PCDH15: variants seen among roughly 807,000 people sequenced by gnomAD.
PCDH15 encodes the protein protocadherin-15.
A neutral mutation model predicts 178.5 loss-of-function variants in PCDH15; 129 were observed. That is an observed-to-expected ratio of 0.72 (90% CI 0.63 to 0.84). PCDH15 has a LOEUF of 0.84. PCDH15 is among the 40% of genes least tolerant of loss of function. PCDH15 has a pLI of 0.00. For synonymous variants in PCDH15, 800 were observed against 732.0 expected (o/e 1.09, Z -1.50); for missense variants, 2,230 against 2,099.9 (o/e 1.06, Z -1.21).
At chr10:54,817,451 T>A (rs1374234288) in intron 3 of PCDH15, among the ~76,000 whole-genome samples, 1 of 152,004 alleles carries the variant, frequency 6.6e-6, no homozygotes, top group East Asian at 1.9e-4. Flanking sequence ...CTTACTCATC[T>A]CTATCAATTG....
intron 2 of PCDH15, among the ~76,000 whole-genome samples, chr10:55,431,521 T>A (rs2132057049): frequency 6.6e-6 from 1 of 152,294 alleles, no homozygotes; most frequent in Middle Eastern, 3.4e-3. Context: ...AAACTTTAGC[T>A]AATTGGATAT....
At chr10:55,053,150 C>G (rs1255356974) in intron 2 of PCDH15, among the ~76,000 whole-genome samples, 1 of 152,098 alleles carries the variant, frequency 6.6e-6, no homozygotes, top group Non-Finnish European at 1.5e-5. Flanking sequence ...CTATAACCTA[C>G]AAGATTAAAA....
intron 20 of PCDH15, among the ~76,000 whole-genome samples, chr10:53,996,212 G>A (rs1326777689): frequency 7.0e-6 from 1 of 142,422 alleles, no homozygotes; most frequent in East Asian, 2.0e-4. Context: ...GCATAATACT[G>A]ACTAGAACAT....
intron 3 of PCDH15, among the ~76,000 whole-genome samples, chr10:54,521,093 A>C: frequency 6.7e-6 from 1 of 150,236 alleles, no homozygotes; most frequent in Non-Finnish European, 1.5e-5. Flanking sequence ...GGATAGTATT[A>C]GGAGATATAC....
At chr10:54,067,100 T>C (rs1199413685) in intron 17 of PCDH15, among the ~76,000 whole-genome samples, 1 of 152,068 alleles carries the variant, frequency 6.6e-6, no homozygotes, top group Non-Finnish European at 1.5e-5. Flanking sequence ...GAAAAGCAAA[T>C]GATGATATTA....
At chr10:54,695,051 G>T (rs544486814) in intron 1 of PCDH15, among the ~76,000 whole-genome samples, 3 of 151,060 alleles carry the variant, frequency 2.0e-5, no homozygotes, top group Admixed American at 1.3e-4. Context: ...ACACACCAGG[G>T]CCTGTTGTGG....
In PCDH15 at chr10:55,047,347, A is replaced by G. The variant is rs1841034718; in HGVS notation, c.-80+119229T>C. Among the ~76,000 whole-genome samples, 3 of 151,904 alleles carry G rather than the reference A, an allele frequency of 2.0e-5. No individual in the cohort carries two copies. The South Asian group carries it at 6.2e-4, about 31-fold the overall frequency. ...AAGTAGAACAAAACATATCCATTAC[A>G]TTGATTATTACTAATAAAATTATGT... On this transcript the variant is annotated intron_variant, in intron 2 of 5. Coordinates refer to the PCDH15 transcript ENST00000458638.
At chr10:54,041,114 A>G (rs532077527) in intron 18 of PCDH15, among the ~76,000 whole-genome samples, 1 of 152,258 alleles carries the variant, frequency 6.6e-6, no homozygotes, top group South Asian at 2.1e-4. Context: ...TGGATGTTGA[A>G]TGCAGATGCC....
At chr10:54,029,206 C>A (rs1482401333) in intron 18 of PCDH15, among the ~76,000 whole-genome samples, 1 of 151,972 alleles carries the variant, frequency 6.6e-6, no homozygotes, top group East Asian at 1.9e-4. Flanking sequence ...ACATAGAATC[C>A]CTTATTATCA....
chr10:55,602,393 A>C (rs962681801), intron 2 of PCDH15, among the ~76,000 whole-genome samples: 2 of 152,178 alleles, frequency 1.3e-5, no homozygotes, highest in African/African-American at 4.8e-5. Flanking sequence ...ACCACAGCTC[A>C]AGGAGGCCTG....
chr10:55,305,436 G>A (rs927212149), intron 1 of PCDH15, among the ~76,000 whole-genome samples: 1 of 152,204 alleles, frequency 6.6e-6, no homozygotes, highest in South Asian at 2.1e-4. Context: ...GAGGCAGAGT[G>A]GCATTGTCCT....
At chr10:54,178,240 A>C (rs1266662774) in intron 13 of PCDH15, among the ~76,000 whole-genome samples, 1 of 152,172 alleles carries the variant, frequency 6.6e-6, no homozygotes, top group Non-Finnish European at 1.5e-5. Flanking sequence ...ATATGATTTT[A>C]GTGGTGTGAT....
intron 8 of PCDH15, among the ~76,000 whole-genome samples, chr10:54,242,371 G>C (rs1198266793): frequency 5.3e-5 from 8 of 151,030 alleles, no homozygotes; most frequent in Non-Finnish European, 8.9e-5. Context: ...TTCAGAGATT[G>C]GATACATTCA....
intron 1 of PCDH15, among the ~76,000 whole-genome samples, chr10:55,280,232 A>G (rs187115357): frequency 1.3e-5 from 2 of 151,518 alleles, no homozygotes; most frequent in East Asian, 3.9e-4. Flanking sequence ...GACAAAGACA[A>G]AAGCTGTGCT....
chr10:54,346,226 T>G, intron 6 of PCDH15, 139 bp downstream of exon 6: 1 of 827,546 alleles, frequency 1.2e-6, no homozygotes. Context: ...AATAATTCAA[T>G]TTTGAGACAT....
chr10:54,337,124 A>G (rs1386490170), intron 6 of PCDH15, among the ~76,000 whole-genome samples: 2 of 151,884 alleles, frequency 1.3e-5, no homozygotes, highest in East Asian at 1.9e-4. Flanking sequence ...ATATATATAT[A>G]TTCATACCCA....
At chr10:54,522,068 A>G (rs1313103865) in intron 3 of PCDH15, among the ~76,000 whole-genome samples, 1 of 140,816 alleles carries the variant, frequency 7.1e-6, no homozygotes, top group East Asian at 2.2e-4. Flanking sequence ...AGCCTGAGTG[A>G]CAGAGTGAGA....
At chr10:54,270,719 A>T (rs1195694534) in intron 8 of PCDH15, among the ~76,000 whole-genome samples, 1 of 152,122 alleles carries the variant, frequency 6.6e-6, no homozygotes, top group East Asian at 1.9e-4. Context: ...AATATAAAGG[A>T]TCTAGATTTT....
intron 2 of PCDH15, among the ~76,000 whole-genome samples, chr10:55,580,039 T>C (rs1842577259): frequency 6.6e-6 from 1 of 152,048 alleles, no homozygotes; most frequent in African/African-American, 2.4e-5. Flanking sequence ...GTATTTTTAG[T>C]AGAGACAGGG....
Sources: allele counts gnomAD v4.1 joint callset (sites outside exome capture counted in the v4.1 genomes callset), GRCh38; gene constraint gnomAD v4.1.1; transcripts MANE v1.5; gene names NCBI Gene and HGNC (gene_info 2026-07-23, HGNC 2026-07-21).